The following SNX9 variants were observed in gnomAD, a reference collection of about 807,000 sequenced individuals.
The protein encoded by SNX9 is sorting nexin-9.
Under a neutral mutation model 89.4 loss-of-function variants are expected in SNX9, and 44 were observed. That is an observed-to-expected ratio of 0.49 (90% confidence interval 0.39 to 0.63). The LOEUF (loss-of-function observed/expected upper bound fraction) is 0.63, where lower values mean the gene tolerates loss of function less well. SNX9 is among the 30% of genes least tolerant of loss of function. The pLI, the probability that SNX9 is intolerant of heterozygous loss-of-function variation, is 0.00. For missense variants in SNX9, 578 were observed against 736.1 expected, an observed-to-expected ratio of 0.79 and a Z score of 2.49; for synonymous variants, 236 against 247.8, an observed-to-expected ratio of 0.95 and a Z score of 0.45.
At chr6:157,903,662 A>C (rs527508719) in intron 6 of SNX9, among the ~76,000 whole-genome samples, 7 of 152,338 alleles carry the variant, frequency 4.6e-5, no homozygotes, top group Non-Finnish European at 8.8e-5. Context: ...CCACGTTTTC[A>C]TGGCTGATGA....
At chr6:157,939,772 A>C (rs1484847973) in intron 16 of SNX9, among the ~76,000 whole-genome samples, 1 of 152,212 alleles carries the variant, frequency 6.6e-6, no homozygotes. Flanking sequence ...AGGTTATCCA[A>C]ATTGAGAAAT....
At chr6:157,928,834 T>C in intron 12 of SNX9, 132 bp downstream of exon 12, 1 of 624,516 alleles carries the variant, frequency 1.6e-6, no homozygotes. Context: ...ATGTCCCTCC[T>C]GTGATTCTGC....
chr6:157,823,280 C>A lies in SNX9; in HGVS notation c.-155C>A, dbSNP rs1781270431. ...CGAGCGCCCAGCGGCTGGGCCTGAG[C>A]GTCGAGACTCGGGGCCGAGGCGGAG... On this transcript the variant is annotated 5_prime_UTR_variant, in exon 1 of 18. Coordinates refer to ENST00000392185, the MANE Select transcript of SNX9 (RefSeq NM_016224.5). The surrounding 1 kb of genome is among the most constrained non-coding windows in gnomAD (Gnocchi z 4.6). 2 of 466,072 alleles carry A rather than the reference C, an allele frequency of 4.3e-6. No individual in the cohort carries two copies. The highest frequency in any genetic ancestry group is 6.2e-6 in the Non-Finnish European group (2 of 322,826). 28.9% of individuals were successfully genotyped at this position (466,072 alleles called of 1,614,324 possible). A position where few individuals can be genotyped will look rare whatever the true frequency, so the allele number is the denominator to read the frequency against.
intron 4 of SNX9, among the ~76,000 whole-genome samples, chr6:157,894,027 TG>T (rs1172701157): frequency 6.6e-6 from 1 of 151,658 alleles, no homozygotes; most frequent in African/African-American, 2.4e-5. Context: ...GTTCATGAAA[TG>T]GTATTAGGGT....
At chr6:157,837,154 T>G (rs1781600476) in intron 1 of SNX9, among the ~76,000 whole-genome samples, 1 of 152,228 alleles carries the variant, frequency 6.6e-6, no homozygotes, top group South Asian at 2.1e-4. Context: ...CCGTAAAATA[T>G]TCTCAGAAGC....
At chr6:157,915,898 C>G (rs1281370382) in intron 9 of SNX9, among the ~76,000 whole-genome samples, 2 of 149,556 alleles carry the variant, frequency 1.3e-5, no homozygotes, top group East Asian at 3.9e-4. Context: ...TTTTAAATTT[C>G]CATTTTCTAG....
At chr6:157,852,468 C>G (rs575133777) in intron 1 of SNX9, among the ~76,000 whole-genome samples, 1 of 152,324 alleles carries the variant, frequency 6.6e-6, no homozygotes, top group Non-Finnish European at 1.5e-5. Context: ...CTCAGCTTCA[C>G]AATAAGCACG....
At chr6:157,881,224 T>C (rs980377638) in intron 4 of SNX9, among the ~76,000 whole-genome samples, 4 of 152,206 alleles carry the variant, frequency 2.6e-5, no homozygotes, top group African/African-American at 9.7e-5. Context: ...CATTATTATA[T>C]CTGTTTTGAT....
chr6:157,894,111 T>TTTTTTC (rs1782924125), intron 4 of SNX9, among the ~76,000 whole-genome samples: 1 of 133,928 alleles, frequency 7.5e-6, no homozygotes, highest in Non-Finnish European at 1.6e-5. Flanking sequence ...CTTTTCTTTT[T>TTTTTTC]TTTTTTTTTT....
intron 1 of SNX9, among the ~76,000 whole-genome samples, chr6:157,830,032 A>T (rs750222720): frequency 6.6e-6 from 1 of 152,220 alleles, no homozygotes; most frequent in Admixed American, 6.5e-5. Context: ...ACAAAAAGAC[A>T]TAAGGTTATT....
Position 157,896,969 on chromosome 6 carries a change from T to G in SNX9, c.443T>G (p.Phe148Cys). 2 of 1,610,212 alleles carry G rather than the reference T, an allele frequency of 1.2e-6. No individual in the cohort carries two copies. The highest frequency in any genetic ancestry group is 1.7e-6 in the Non-Finnish European group (2 of 1,178,880). ...TNTPNNWDTA[F>C]GHPQAYQGPA... Reference sequence around the variant, plus strand: ...ACTCCCAACAACTGGGACACTGCCTTCGGCCACCCCCAGGCCTACCAAGGA... The same window carrying G: ...ACTCCCAACAACTGGGACACTGCCTGCGGCCACCCCCAGGCCTACCAAGGA... Residue 148 changes from phenylalanine (F) to cysteine (C), a missense_variant, in exon 5 of 18, where the codon TTC becomes TGC. Phe to Cys is a radical substitution (Grantham distance 205). This residue lies in a region of SNX9 where 230 missense variants were observed against 244.7 expected (regional missense o/e 0.94). Transcript: ENST00000392185.
chr6:157,859,427 TC>T (rs1266220913), intron 1 of SNX9, among the ~76,000 whole-genome samples: 1 of 152,232 alleles, frequency 6.6e-6, no homozygotes, highest in African/African-American at 2.4e-5. Flanking sequence ...TTGTTCTCAT[TC>T]TCTTGTTGCT....
chr6:157,908,253 G>A (rs538503694), intron 7 of SNX9, among the ~76,000 whole-genome samples: 50 of 152,196 alleles, frequency 3.3e-4, no homozygotes, highest in South Asian at 1.7e-3. Flanking sequence ...TTTCAAGTCT[G>A]CAAGAATAAA....
intron 6 of SNX9, among the ~76,000 whole-genome samples, chr6:157,905,048 G>A (rs1583228639): frequency 6.6e-6 from 1 of 152,200 alleles, no homozygotes; most frequent in East Asian, 1.9e-4. Context: ...TAGAAGGTAG[G>A]TCATTCTGGT....
chr6:157,901,815 T>C (rs1783102805), intron 5 of SNX9, 83 bp from the exon 6 acceptor site: 3 of 1,515,012 alleles, frequency 2.0e-6, no homozygotes, highest in Non-Finnish European at 2.7e-6. Context: ...AGTAGGTAGT[T>C]ACTGTCAGAA....
intron 7 of SNX9, among the ~76,000 whole-genome samples, chr6:157,907,443 A>C (rs1449657422): frequency 6.6e-6 from 1 of 152,012 alleles, no homozygotes; most frequent in Non-Finnish European, 1.5e-5. Flanking sequence ...CACCACGCCT[A>C]GCTAATTTTT....
At chr6:157,920,525 G>A (rs929769787) in intron 9 of SNX9, among the ~76,000 whole-genome samples, 1 of 152,196 alleles carries the variant, frequency 6.6e-6, no homozygotes, top group African/African-American at 2.4e-5. Context: ...CAGATGCGGG[G>A]GAGACAGGAG....
At chr6:157,831,953 G>T (rs576267549) in intron 1 of SNX9, among the ~76,000 whole-genome samples, 1 of 152,302 alleles carries the variant, frequency 6.6e-6, no homozygotes, top group African/African-American at 2.4e-5. Context: ...TCAAAAAGTT[G>T]TTAAGCATTT....
chr6:157,904,825 C>G (rs899087339), intron 6 of SNX9, among the ~76,000 whole-genome samples: 1 of 152,208 alleles, frequency 6.6e-6, no homozygotes, highest in Non-Finnish European at 1.5e-5. Flanking sequence ...CAAATGCTTC[C>G]TCTAAGTCCC....
Sources: allele counts gnomAD v4.1 joint callset (sites outside exome capture counted in the v4.1 genomes callset), GRCh38; gene constraint gnomAD v4.1.1; regional missense constraint gnomAD v4.1.1; non-coding constraint Gnocchi (gnomAD v3.1); transcripts MANE v1.5; gene names NCBI Gene and HGNC (gene_info 2026-07-23, HGNC 2026-07-21).